ADAMTS16: variants seen among roughly 807,000 people sequenced by gnomAD.
ADAMTS16 encodes the protein A disintegrin and metalloproteinase with thrombospondin motifs 16.
In ADAMTS16, 94 loss-of-function variants were observed where a neutral mutation model predicts 145.8. The observed-to-expected ratio is 0.64, with a 90% confidence interval of 0.55 to 0.77. ADAMTS16 has a LOEUF of 0.77. ADAMTS16 is among the 30% of genes least tolerant of loss of function. The pLI is 0.00. For synonymous variants in ADAMTS16, 659 were observed against 604.3 expected (o/e 1.09, Z -1.33); for missense variants, 1,585 against 1,591.5 (o/e 1.00, Z 0.07).
intron 8 of ADAMTS16, among the ~76,000 whole-genome samples, chr5:5,198,586 A>G (rs1401677241): frequency 2.0e-5 from 3 of 152,192 alleles, no homozygotes; most frequent in African/African-American, 7.2e-5. Context: ...TGCTGTCTTT[A>G]TATTAAAGCT....
At position 5,318,149 on chromosome 5, in the gene ADAMTS16, G is replaced by T. The variant is rs983981187; in HGVS notation, c.3427G>T (p.Gly1143Trp). The stretch of plus-strand genomic sequence containing the variant: ...GCTCTCACAGTGCACGGCCAGCTGT[G>T]GGGGAGGCGTTCAGACGAGGTCCGT... ...SPWSQCTASCGGGVQTRSVQC... is the reference protein window; with the variant it reads ...SPWSQCTASCWGGVQTRSVQC... Residue 1143 changes from glycine to tryptophan, a missense_variant, in exon 22 of 23, where the codon GGG becomes TGG. Gly to Trp is a radical substitution (Grantham distance 184). Coordinates refer to ENST00000274181, the MANE Select transcript of ADAMTS16 (RefSeq NM_139056.4). 2.0e-6 allele frequency: 3 copies of T among 1,492,566 alleles called. No individual in the cohort carries two copies. Among genetic ancestry groups the T allele is most frequent in the Non-Finnish European group, 2.7e-6 (3 of 1,115,336 alleles). 92.5% of individuals were successfully genotyped at this position (1,492,566 alleles called of 1,614,324 possible). A position where few individuals can be genotyped will look rare whatever the true frequency, so the allele number is the denominator to read the frequency against.
intron 3 of ADAMTS16, among the ~76,000 whole-genome samples, chr5:5,172,880 T>A (rs1467401820): frequency 6.6e-6 from 1 of 152,202 alleles, no homozygotes; most frequent in Non-Finnish European, 1.5e-5. Context: ...TGATAACAAT[T>A]TGCTTTTTAT....
At chr5:5,268,561 C>A (rs892973670) in intron 18 of ADAMTS16, among the ~76,000 whole-genome samples, 1 of 152,198 alleles carries the variant, frequency 6.6e-6, no homozygotes, top group Non-Finnish European at 1.5e-5. Flanking sequence ...GTCTCTCACG[C>A]CTGCCATCAA....
At chr5:5,195,052 T>A (rs957642422) in intron 8 of ADAMTS16, among the ~76,000 whole-genome samples, 15 of 152,300 alleles carry the variant, frequency 9.8e-5, no homozygotes, top group Admixed American at 6.5e-4. Context: ...TTCCACTTTT[T>A]AAAAAAATCT....
chr5:5,253,868 C>T (rs946431640), intron 17 of ADAMTS16, among the ~76,000 whole-genome samples: 4 of 152,192 alleles, frequency 2.6e-5, no homozygotes, highest in Non-Finnish European at 5.9e-5. Flanking sequence ...CCCATGAATG[C>T]GGATGTCTAA....
intron 3 of ADAMTS16, among the ~76,000 whole-genome samples, chr5:5,172,546 T>C (rs1735069942): frequency 6.6e-6 from 1 of 152,184 alleles, no homozygotes; most frequent in African/African-American, 2.4e-5. Flanking sequence ...GTTTGTATGG[T>C]TTCCAAAATT....
At chr5:5,227,006 T>G (rs957441487) in intron 11 of ADAMTS16, among the ~76,000 whole-genome samples, 1 of 152,216 alleles carries the variant, frequency 6.6e-6, no homozygotes, top group Non-Finnish European at 1.5e-5. Flanking sequence ...AAACCAGCTG[T>G]CACTGTGTGA....
intron 18 of ADAMTS16, among the ~76,000 whole-genome samples, chr5:5,275,940 C>G (rs1738673956): frequency 1.3e-5 from 2 of 151,964 alleles, no homozygotes; most frequent in Non-Finnish European, 2.9e-5. Flanking sequence ...CTCACCGCAA[C>G]CAACATCACC....
chr5:5,288,234 G>T (rs1300858024), intron 18 of ADAMTS16, among the ~76,000 whole-genome samples: 2 of 152,154 alleles, frequency 1.3e-5, no homozygotes, highest in African/African-American at 2.4e-5. Context: ...AATCCTCCGT[G>T]ATTTAAATTG....
chr5:5,225,033 AC>A (rs58420612), intron 11 of ADAMTS16, among the ~76,000 whole-genome samples: 124 of 151,750 alleles, frequency 8.2e-4, no homozygotes, highest in East Asian at 4.9e-3. Flanking sequence ...CCAAAAAAAA[AC>A]AAAAAGGCTA....
rs575897377 is a variant in ADAMTS16, at chr5:5,240,196, C to T, written c.2523+271C>T. The stretch of plus-strand genomic sequence containing the variant: ...GAAGTCTTCTTCTGTCCTGTAAGCT[C>T]GATGGCTGTGAGATGCGGCCACTCT... On this transcript the variant is annotated intron_variant, in intron 16 of 22. Transcript: ENST00000274181. Among the ~76,000 whole-genome samples, 11 of 152,234 alleles carry T rather than the reference C, an allele frequency of 7.2e-5. No homozygotes were observed. The South Asian group carries it at 2.3e-3, about 32-fold the overall frequency.
chr5:5,168,704 T>C (rs1379593383), intron 3 of ADAMTS16, among the ~76,000 whole-genome samples: 1 of 137,422 alleles, frequency 7.3e-6, no homozygotes, highest in African/African-American at 2.7e-5. Flanking sequence ...AAATATAATA[T>C]ATAATAATTA....
intron 3 of ADAMTS16, among the ~76,000 whole-genome samples, chr5:5,158,977 A>G (rs1320455786): frequency 1.3e-5 from 2 of 152,256 alleles, no homozygotes; most frequent in Non-Finnish European, 2.9e-5. Flanking sequence ...TACAGTGACC[A>G]TCTATACTGA....
At chr5:5,212,915 T>C (rs1180923031) in intron 10 of ADAMTS16, among the ~76,000 whole-genome samples, 1 of 152,210 alleles carries the variant, frequency 6.6e-6, no homozygotes, top group Non-Finnish European at 1.5e-5. Context: ...ATTCAGTATT[T>C]TACCTTGACT....
intron 8 of ADAMTS16, among the ~76,000 whole-genome samples, chr5:5,197,625 T>G (rs1489124254): frequency 1.3e-5 from 2 of 152,230 alleles, no homozygotes; most frequent in African/African-American, 4.8e-5. Context: ...GCAAGATATA[T>G]TCTCTGGTCT....
Position 5,269,101 on chromosome 5 carries a change from T to C in ADAMTS16, c.2789+6318T>C, listed in dbSNP as rs1738368619. Among the ~76,000 whole-genome samples, 1 of 151,482 alleles carries C rather than the reference T, an allele frequency of 6.6e-6. No homozygotes were observed. Among genetic ancestry groups the C allele is most frequent in the Admixed American group, 6.6e-5 (1 of 15,240 alleles). On this transcript the variant is annotated intron_variant, in intron 18 of 22. Coordinates refer to ENST00000274181, the MANE Select transcript of ADAMTS16 (RefSeq NM_139056.4). This position sits in a 1 kb window ranked among gnomAD's most constrained non-coding sequence, Gnocchi z 4.3. Reference sequence around the variant, plus strand: ...TCCAGACAGGCCATGCCTCTTGTCATGCAGCTCCTATGCTTCAAGATCCAC... The same window carrying C: ...TCCAGACAGGCCATGCCTCTTGTCACGCAGCTCCTATGCTTCAAGATCCAC...
chr5:5,229,456 C>G (rs1335758244), intron 11 of ADAMTS16, among the ~76,000 whole-genome samples: 3 of 152,128 alleles, frequency 2.0e-5, no homozygotes, highest in Non-Finnish European at 2.9e-5. Flanking sequence ...GTTCGGTGTA[C>G]TCTGGTGGCA....
chr5:5,187,976 TG>T (rs781143123), intron 6 of ADAMTS16, among the ~76,000 whole-genome samples, 168 bp downstream of exon 6: 6 of 152,234 alleles, frequency 3.9e-5, no homozygotes, highest in Non-Finnish European at 7.3e-5. Flanking sequence ...TCCTTTTAAA[TG>T]TTTTTTGGAT....
intron 10 of ADAMTS16, among the ~76,000 whole-genome samples, chr5:5,215,710 A>C (rs913468781): frequency 1.3e-4 from 14 of 111,090 alleles, no homozygotes; most frequent in African/African-American, 6.7e-4. Flanking sequence ...ATATATATAT[A>C]TATGTGGTAT....
Sources: gnomAD v4.1 joint callset for allele counts (sites outside exome capture counted in the v4.1 genomes callset) on GRCh38, gnomAD v4.1.1 for gene constraint, Gnocchi (gnomAD v3.1) non-coding constraint, MANE v1.5 for transcripts, NCBI Gene and HGNC (gene_info 2026-07-23, HGNC 2026-07-21) for gene names.